Variants in COL11A1 observed in about 807,000 individuals in gnomAD.
COL11A1 encodes the protein collagen alpha-1(XI) chain.
In COL11A1, 74 loss-of-function variants were observed where a neutral mutation model predicts 265.2. The ratio of observed to expected loss-of-function variants is 0.28; its 90% CI spans 0.23 to 0.34. COL11A1 has a LOEUF of 0.34. COL11A1 is among the 10% of genes least tolerant of loss of function. The pLI is 1.00. For missense variants in COL11A1, 2,165 were observed against 2,263.6 expected, an observed-to-expected ratio of 0.96 and a Z score of 0.88; for synonymous variants, 816 against 727.6, an observed-to-expected ratio of 1.12 and a Z score of -1.96.
intron 49 of COL11A1, among the ~76,000 whole-genome samples, chr1:102,919,915 T>C (rs1318779296): frequency 1.3e-5 from 2 of 151,972 alleles, no homozygotes; most frequent in African/African-American, 2.4e-5. Flanking sequence ...CATCAACCAA[T>C]CTCTTCTATT....
At chr1:102,960,528 T>G (rs1222287859) in intron 41 of COL11A1, among the ~76,000 whole-genome samples, 1 of 151,908 alleles carries the variant, frequency 6.6e-6, no homozygotes, top group Admixed American at 6.6e-5. Flanking sequence ...TGGAGGCAAA[T>G]TATCCAAAGA....
At chr1:103,103,670 C>T (rs1012658156) in intron 1 of COL11A1, among the ~76,000 whole-genome samples, 15 of 151,916 alleles carry the variant, frequency 9.9e-5, no homozygotes, top group African/African-American at 2.4e-4. Flanking sequence ...ATAAATATAG[C>T]GATAATATAT....
At position 102,984,673 on chromosome 1, in the gene COL11A1, T is replaced by C. The variant is rs188769676; in HGVS notation, c.2503-482A>G. Reference sequence around the variant, plus strand: ...AAGGGATCATGAGTTACTTAACTTTTCTCAATGAGTAAGTAAACCTAGATA... The same window carrying C: ...AAGGGATCATGAGTTACTTAACTTTCCTCAATGAGTAAGTAAACCTAGATA... On this transcript the variant is annotated intron_variant, in intron 30 of 66. Coordinates refer to ENST00000370096, the MANE Select transcript of COL11A1 (RefSeq NM_001854.4). Among the ~76,000 whole-genome samples the C allele has an allele frequency of 2.8e-4, 42 of 152,204 alleles. No homozygotes were observed. The East Asian group carries it at 7.3e-3, about 27-fold the overall frequency.
rs748684225 is a variant in COL11A1, at chr1:103,018,866, C to T, written c.1309-7G>A. The T allele has an allele frequency of 6.8e-6, 11 of 1,611,146 alleles. No individual in the cohort carries two copies. Among genetic ancestry groups the T allele is most frequent in the Admixed American group, 1.7e-5 (1 of 59,950 alleles). ...GTCCTTCGACAAGCATACCCTATAA[C>T]AGGAAAAGAGAACATCTCTACCAGG... On this transcript the variant is annotated splice_region_variant and splice_polypyrimidine_tract_variant and intron_variant, in intron 9 of 66. Coordinates refer to ENST00000370096, the MANE Select transcript of COL11A1 (RefSeq NM_001854.4).
intron 49 of COL11A1, among the ~76,000 whole-genome samples, chr1:102,919,009 CAA>C (rs1441931432): frequency 6.6e-6 from 1 of 152,000 alleles, no homozygotes; most frequent in African/African-American, 2.4e-5. Flanking sequence ...GGAGATGATG[CAA>C]AGAGAAGAGG....
intron 63 of COL11A1, among the ~76,000 whole-genome samples, chr1:102,883,921 C>T (rs116801205): frequency 0.014 from 2,183 of 152,144 alleles, 59 homozygotes; most frequent in African/African-American, 0.049. Flanking sequence ...TGAAATGTTG[C>T]AGAACACATT....
At chr1:103,061,285 T>G (rs1208623645) in intron 4 of COL11A1, among the ~76,000 whole-genome samples, 3 of 152,076 alleles carry the variant, frequency 2.0e-5, no homozygotes, top group Non-Finnish European at 4.4e-5. Context: ...GAAAAATAGA[T>G]GAATCCACTA....
intron 4 of COL11A1, among the ~76,000 whole-genome samples, chr1:103,066,120 A>G (rs1671122753): frequency 6.6e-6 from 1 of 152,198 alleles, no homozygotes; most frequent in African/African-American, 2.4e-5. Context: ...TCAGTAGCAT[A>G]TCTGTTGTAT....
chr1:102,943,397 G>A (rs1224270753), intron 42 of COL11A1, among the ~76,000 whole-genome samples: 1 of 151,204 alleles, frequency 6.6e-6, no homozygotes, highest in Non-Finnish European at 1.5e-5. Context: ...AAGGGAACTT[G>A]TTTATGTCTT....
Position 102,886,032 on chromosome 1 carries a change from G to T in COL11A1, c.4858+775C>A, listed in dbSNP as rs1378532612. ...ATCACAGTTATAACTGACATTATAT[G>T]ATTGGTAGTGCAAAACAATATTTTC... On this transcript the variant is annotated intron_variant, in intron 63 of 66. Coordinates refer to ENST00000370096, the MANE Select transcript of COL11A1 (RefSeq NM_001854.4). Among the ~76,000 whole-genome samples, 5 of 152,060 alleles carry T rather than the reference G, an allele frequency of 3.3e-5. No homozygotes were observed. In the East Asian group the frequency reaches 9.6e-4, roughly 29 times the overall value.
At chr1:102,998,636 C>T (rs1438447760) in intron 24 of COL11A1, among the ~76,000 whole-genome samples, 2 of 151,448 alleles carry the variant, frequency 1.3e-5, no homozygotes, top group East Asian at 1.9e-4. Flanking sequence ...TTTTTGAATA[C>T]CACAATAAAC....
chr1:103,003,517 C>A (rs760586248), intron 20 of COL11A1, among the ~76,000 whole-genome samples: 17 of 151,970 alleles, frequency 1.1e-4, no homozygotes, highest in Non-Finnish European at 1.8e-4. Context: ...ATATGAATCA[C>A]TTGGGGAATT....
At chr1:102,961,015 C>T (rs1001192354) in intron 41 of COL11A1, among the ~76,000 whole-genome samples, 8 of 151,928 alleles carry the variant, frequency 5.3e-5, no homozygotes, top group Admixed American at 3.9e-4. Context: ...ATGAAGAAAG[C>T]GGAAAAATTA....
At chr1:103,003,171 C>T in intron 21 of COL11A1, 44 bp downstream of exon 21, 4 of 1,606,410 alleles carry the variant, frequency 2.5e-6, no homozygotes, top group Non-Finnish European at 3.4e-6. Flanking sequence ...AGGTTGGCAA[C>T]AAGCTTTCCC....
chr1:103,017,919 A>C (rs1488383365), intron 10 of COL11A1, 37 bp from the exon 11 acceptor site: 1 of 1,481,244 alleles, frequency 6.8e-7, no homozygotes, highest in South Asian at 1.1e-5. Flanking sequence ...TCAGATTCCT[A>C]ATCTCATTAA....
intron 1 of COL11A1, among the ~76,000 whole-genome samples, chr1:103,097,531 A>C (rs770262205): frequency 6.6e-6 from 1 of 151,920 alleles, no homozygotes; most frequent in Non-Finnish European, 1.5e-5. Context: ...CTCTCCTTCA[A>C]AGCATCTAGC....
intron 58 of COL11A1, among the ~76,000 whole-genome samples, 189 bp downstream of exon 58, chr1:102,890,261 AC>A (rs1417088169): frequency 2.8e-4 from 43 of 152,232 alleles, no homozygotes; most frequent in Admixed American, 2.6e-3. Context: ...GAATTCCAGC[AC>A]ATTTTTCACT....
At chr1:103,071,617 C>A (rs969718883) in intron 4 of COL11A1, among the ~76,000 whole-genome samples, 1 of 150,736 alleles carries the variant, frequency 6.6e-6, no homozygotes, top group Non-Finnish European at 1.5e-5. Context: ...TGTAAAATTG[C>A]AGTAGGCCAG....
chr1:103,066,959 A>T (rs1671204912), intron 4 of COL11A1, among the ~76,000 whole-genome samples: 1 of 151,974 alleles, frequency 6.6e-6, no homozygotes. Context: ...ATTTCACAGT[A>T]AAAAGTGACA....
Sources: gnomAD v4.1 joint callset for allele counts (sites outside exome capture counted in the v4.1 genomes callset) on GRCh38, gnomAD v4.1.1 for gene constraint, MANE v1.5 for transcripts, NCBI Gene and HGNC (gene_info 2026-07-23, HGNC 2026-07-21) for gene names.